The following PACRG variants were observed in gnomAD, a reference collection of about 807,000 sequenced individuals.
PACRG encodes the protein parkin coregulated, also known as parkin coregulated gene protein.
PACRG carries 29 observed loss-of-function variants against 29.7 expected under a neutral mutation model. The ratio of observed to expected loss-of-function variants is 0.98; its 90% CI spans 0.73 to 1.33. The LOEUF (loss-of-function observed/expected upper bound fraction) is 1.33, where lower values mean the gene tolerates loss of function less well. Among genes scored for constraint, PACRG ranks in the 40% most tolerant of loss-of-function variants. The probability of loss-of-function intolerance (pLI) is 0.00; values close to 1 mark genes in which losing one functional copy is unlikely to be tolerated. For synonymous variants in PACRG, 116 were observed against 118.7 expected (o/e 0.98, Z 0.15); for missense variants, 279 against 316.2 (o/e 0.88, Z 0.89).
intron 4 of PACRG, among the ~76,000 whole-genome samples, chr6:163,213,732 A>G (rs1781246972): frequency 6.6e-6 from 1 of 152,132 alleles, no homozygotes; most frequent in African/African-American, 2.4e-5. Flanking sequence ...ACCCTTTGTC[A>G]GTTATAGGTA....
At chr6:162,947,790 C>T (rs1317826444) in intron 2 of PACRG, among the ~76,000 whole-genome samples, 1 of 149,508 alleles carries the variant, frequency 6.7e-6, no homozygotes, top group East Asian at 2.0e-4. Context: ...AGAAGGTAAT[C>T]CATTTACAAT....
chr6:163,129,977 A>G (rs1483614900), intron 4 of PACRG, among the ~76,000 whole-genome samples: 5 of 152,200 alleles, frequency 3.3e-5, no homozygotes, highest in African/African-American at 1.2e-4. Context: ...AGAGATTAAC[A>G]CCAATCTGGC....
intron 2 of PACRG, among the ~76,000 whole-genome samples, chr6:162,834,058 G>A (rs1046435284): frequency 6.6e-6 from 1 of 152,116 alleles, no homozygotes; most frequent in Non-Finnish European, 1.5e-5. Context: ...TTTACTTTCT[G>A]TCTCTCTGAA....
At chr6:163,124,499 C>T (rs1350349352) in intron 4 of PACRG, among the ~76,000 whole-genome samples, 2 of 152,126 alleles carry the variant, frequency 1.3e-5, no homozygotes, top group African/African-American at 2.4e-5. Flanking sequence ...AAAGTTAATT[C>T]TATAAACTAG....
intron 1 of PACRG, among the ~76,000 whole-genome samples, chr6:162,765,118 C>T (rs1425417715): frequency 6.6e-6 from 1 of 152,012 alleles, no homozygotes; most frequent in Admixed American, 6.6e-5. Context: ...ATCTTGTTCT[C>T]TCTACCTATC....
chr6:162,903,799 C>G (rs761403777), intron 2 of PACRG, among the ~76,000 whole-genome samples: 13 of 152,192 alleles, frequency 8.5e-5, no homozygotes, highest in Non-Finnish European at 1.8e-4. Flanking sequence ...CCAAATACCC[C>G]TTTATGTGAT....
At chr6:163,000,978 T>C (rs1303970263) in intron 2 of PACRG, among the ~76,000 whole-genome samples, 2 of 152,162 alleles carry the variant, frequency 1.3e-5, no homozygotes, top group Non-Finnish European at 1.5e-5. Flanking sequence ...CCTGAGAAGC[T>C]GATGGCCATG....
chr6:162,867,631 C>G (rs1414263202), intron 2 of PACRG, among the ~76,000 whole-genome samples: 1 of 152,192 alleles, frequency 6.6e-6, no homozygotes, highest in Non-Finnish European at 1.5e-5. Flanking sequence ...ACGAAAAGAA[C>G]TATCCGCAAG....
chr6:162,847,724 C>T (rs1390621697), intron 2 of PACRG, among the ~76,000 whole-genome samples: 1 of 151,708 alleles, frequency 6.6e-6, no homozygotes, highest in East Asian at 1.9e-4. Flanking sequence ...CACAAAGGGG[C>T]CAACAGCAGC....
intron 2 of PACRG, among the ~76,000 whole-genome samples, chr6:162,901,996 T>C (rs1002684830): frequency 6.6e-6 from 1 of 152,212 alleles, no homozygotes; most frequent in African/African-American, 2.4e-5. Flanking sequence ...TATTGCCTGA[T>C]GGGAATGTGG....
intron 2 of PACRG, among the ~76,000 whole-genome samples, chr6:162,932,035 C>G (rs1004352621): frequency 2.6e-5 from 4 of 151,970 alleles, no homozygotes; most frequent in African/African-American, 9.6e-5. Flanking sequence ...CTTGGGTAAG[C>G]AAATGATGAT....
At chr6:163,308,683 A>G (rs1785286791) in intron 4 of PACRG, among the ~76,000 whole-genome samples, 3 of 151,838 alleles carry the variant, frequency 2.0e-5, no homozygotes, top group Admixed American at 1.3e-4. Flanking sequence ...AAAAAAAGGA[A>G]AATTTATTCA....
chr6:162,837,584 C>A (rs1168699335), intron 2 of PACRG, among the ~76,000 whole-genome samples: 1 of 152,054 alleles, frequency 6.6e-6, no homozygotes, highest in Non-Finnish European at 1.5e-5. Flanking sequence ...ACAGAATAAT[C>A]CTCACAACTT....
rs148179334 is a variant in PACRG at position 163,203,848 on chromosome 6, G to A, written c.614-110979G>A. Among the ~76,000 whole-genome samples the A allele has an allele frequency of 2.4e-3, 371 of 152,280 alleles. 2 individuals are homozygous for A. Among genetic ancestry groups the A allele is most frequent in the African/African-American group, 8.5e-3 (353 of 41,548 alleles). ...TAAAAGCTGTTTCTAGCTAATAGAG[G>A]TTTCTGCAAATGATTCAGTACACAT... is the stretch of plus-strand genomic sequence containing the variant. On this transcript the variant is annotated intron_variant, in intron 4 of 4. Coordinates refer to ENST00000366888, the MANE Select transcript of PACRG (RefSeq NM_001080379.2).
chr6:163,219,451 C>G (rs1781488750), intron 4 of PACRG, among the ~76,000 whole-genome samples: 1 of 152,214 alleles, frequency 6.6e-6, no homozygotes, highest in South Asian at 2.1e-4. Flanking sequence ...TAGTTCTTCT[C>G]CTTGCATCTA....
At chr6:163,143,705 T>C (rs949333839) in intron 4 of PACRG, among the ~76,000 whole-genome samples, 1 of 151,978 alleles carries the variant, frequency 6.6e-6, no homozygotes, top group Non-Finnish European at 1.5e-5. Context: ...TTGGTCACCA[T>C]GTGTGGCTGA....
chr6:163,233,823 G>A (rs1281074951), intron 4 of PACRG, among the ~76,000 whole-genome samples: 2 of 152,188 alleles, frequency 1.3e-5, no homozygotes, highest in Non-Finnish European at 2.9e-5. Context: ...AATTCTGGAA[G>A]GGGAAATGGA....
intron 2 of PACRG, among the ~76,000 whole-genome samples, chr6:162,949,288 G>C (rs1382041133): frequency 6.6e-6 from 1 of 152,114 alleles, no homozygotes. Flanking sequence ...CTCATATGTG[G>C]GAGCTTAAAA....
At chr6:162,765,665 C>T (rs898261869) in intron 1 of PACRG, among the ~76,000 whole-genome samples, 25 of 152,062 alleles carry the variant, frequency 1.6e-4, no homozygotes, top group Admixed American at 1.2e-3. Context: ...TTAAAATAAT[C>T]TCTTTTTCTC....
Sources: gnomAD v4.1 joint callset for allele counts (sites outside exome capture counted in the v4.1 genomes callset) on GRCh38, gnomAD v4.1.1 for gene constraint, MANE v1.5 for transcripts, NCBI Gene and HGNC (gene_info 2026-07-23, HGNC 2026-07-21) for gene names.